The following FAM161A variants were observed in gnomAD, a reference collection of about 807,000 sequenced individuals.
FAM161A encodes the protein protein FAM161A.
Under a neutral mutation model 70.9 loss-of-function variants are expected in FAM161A, and 57 were observed. That is an observed-to-expected ratio of 0.80 (90% CI 0.65 to 1.00). The LOEUF (loss-of-function observed/expected upper bound fraction) is 1.00. FAM161A is among the 50% of genes least tolerant of loss of function. The probability of loss-of-function intolerance (pLI) is 0.00; values close to 1 mark genes in which losing one functional copy is unlikely to be tolerated. For synonymous variants in FAM161A, 299 were observed against 295.7 expected, an observed-to-expected ratio of 1.01 and a Z score of -0.12; for missense variants, 880 against 836.0, an observed-to-expected ratio of 1.05 and a Z score of -0.65.
At chr2:61,841,853 T>C (rs1393313644) in intron 2 of FAM161A, among the ~76,000 whole-genome samples, 4 of 152,252 alleles carry the variant, frequency 2.6e-5, no homozygotes, top group Non-Finnish European at 5.9e-5. Flanking sequence ...CCAGTTAAAA[T>C]GGCACAGACT....
chr2:61,801,051 T>A, the FAM161A span, among the ~76,000 whole-genome samples: 2 of 151,870 alleles, frequency 1.3e-5, no homozygotes, highest in African/African-American at 4.8e-5. Flanking sequence ...TGTCTCAGCC[T>A]CCCAAAGTGC....
At chr2:61,810,453 C>CTTTTTT in the FAM161A span, among the ~76,000 whole-genome samples, 81 of 95,602 alleles carry the variant, frequency 8.5e-4, 1 homozygote, top group African/African-American at 9.5e-4. Context: ...CCAGCACTTC[C>CTTTTTT]TTTTTTTTTT....
At chr2:61,808,690 G>A in the FAM161A span, among the ~76,000 whole-genome samples, 1 of 152,300 alleles carries the variant, frequency 6.6e-6, no homozygotes, top group Non-Finnish European at 1.5e-5. Context: ...TGCCTGACAA[G>A]AATAAGTTTA....
At position 61,854,013 on chromosome 2, in the gene FAM161A, A is replaced by T; in HGVS notation, c.29T>A (p.Leu10Gln). 1 of 1,612,226 alleles carries T rather than the reference A, an allele frequency of 6.2e-7. No homozygotes were observed. The highest frequency in any genetic ancestry group is 1.1e-5 in the South Asian group (1 of 90,858). The change falls in exon 1 of 7, where the codon CTG becomes CAG. Residue 10 changes from leucine (L) to glutamine (Q), a missense_variant. By Grantham distance (113) the Leu-to-Gln change is moderately radical. Coordinates refer to ENST00000404929, the MANE Select transcript of FAM161A (RefSeq NM_001201543.2). The part of the protein sequence containing the change: MATSHRVAK[L>Q]VASSLQTPVN... ...CGGGGTCTGGAGACTGGAGGCCACC[A>T]GCTTCGCCACTCGGTGGGAGGTGGC...
Position 61,828,843 on chromosome 2 carries a change from T to A in FAM161A, c.1852-1585A>T, listed in dbSNP as rs112550224. Among the ~76,000 whole-genome samples the A allele has an allele frequency of 1.0e-2, 1,517 of 152,272 alleles. 8 individuals are homozygous for A. The highest frequency in any genetic ancestry group is 0.017 in the Middle Eastern group (5 of 294). Reference sequence around the variant, plus strand: ...TGTTGGAATTGTGATGACCCTCTCATCACAGCTCCAGAGATGGCAGGCTTT... The same window carrying A: ...TGTTGGAATTGTGATGACCCTCTCAACACAGCTCCAGAGATGGCAGGCTTT... On this transcript the variant is annotated intron_variant, in intron 5 of 6. Coordinates refer to ENST00000404929, the MANE Select transcript of FAM161A (RefSeq NM_001201543.2).
intron 4 of FAM161A, 68 bp downstream of exon 4, chr2:61,838,470 A>T: frequency 7.7e-7 from 1 of 1,300,672 alleles, no homozygotes; most frequent in Non-Finnish European, 1.1e-6. Flanking sequence ...ATATTTTACT[A>T]TCTACTGATT....
intron 1 of FAM161A, among the ~76,000 whole-genome samples, chr2:61,843,201 T>A (rs1673084634): frequency 6.6e-6 from 1 of 152,188 alleles, no homozygotes; most frequent in South Asian, 2.1e-4. Context: ...TGGAGTGCAG[T>A]GGCACCATCT....
intron 4 of FAM161A, chr2:61,836,870 G>C (rs767610026): frequency 2.4e-4 from 55 of 231,084 alleles, no homozygotes; most frequent in Non-Finnish European, 2.6e-4. Context: ...CATTGCGCCT[G>C]GCCTATTAAT....
At chr2:61,842,939 G>C (rs888558323) in intron 1 of FAM161A, among the ~76,000 whole-genome samples, 2 of 152,176 alleles carry the variant, frequency 1.3e-5, no homozygotes, top group African/African-American at 4.8e-5. Context: ...GGAGTAAGAG[G>C]ACATGGGAGG....
chr2:61,840,330 C>CTTT lies in FAM161A; in HGVS notation c.671_673dup (p.Lys224dup). ...CACCCATTCTTTTCGTTTCTTCCTT[C>CTTT]TTTTTTCAGCTGCATGGAAGCCAGT... is the stretch of plus-strand genomic sequence containing the variant. On this transcript the variant is annotated inframe_insertion, in exon 3 of 7. Coordinates refer to ENST00000404929, the MANE Select transcript of FAM161A (RefSeq NM_001201543.2). 6.2e-7 allele frequency: 1 copy of CTTT among 1,614,032 alleles called. No homozygotes were observed.
At chr2:61,841,640 T>C (rs549359031) in intron 2 of FAM161A, among the ~76,000 whole-genome samples, 1 of 152,196 alleles carries the variant, frequency 6.6e-6, no homozygotes, top group East Asian at 1.9e-4. Flanking sequence ...AAAGGAGACA[T>C]GCAAGCATCG....
chr2:61,850,551 G>A (rs1386009021), intron 1 of FAM161A, among the ~76,000 whole-genome samples: 1 of 151,932 alleles, frequency 6.6e-6, no homozygotes, highest in African/African-American at 2.4e-5. Flanking sequence ...CCAGGAGTTC[G>A]AGACCAGCCT....
rs1672938877 is a variant in FAM161A at position 61,839,864 on chromosome 2, T to G, written c.1140A>C (p.Arg380=). 4 of 1,614,240 alleles carry G rather than the reference T, an allele frequency of 2.5e-6. No individual in the cohort carries two copies. The highest frequency in any genetic ancestry group is 3.4e-6 in the Non-Finnish European group (4 of 1,180,038). The change falls in exon 3 of 7, where the codon CGA becomes CGC. Residue 380 remains arginine (R), a synonymous_variant. Transcript: ENST00000404929. ...NDKLKEEELY[R]NLRTQLRAQE... ...GGGCTCTCAGCTGTGTCCTAAGGTT[T>G]CGATAGAGCTCTTCTTCTTTTAACT...
chr2:61,808,386 C>T, the FAM161A span, among the ~76,000 whole-genome samples: 1 of 151,984 alleles, frequency 6.6e-6, no homozygotes, highest in Non-Finnish European at 1.5e-5. Context: ...AATTCCGCTG[C>T]ATCTGCCTCC....
chr2:61,813,471 C>A, the FAM161A span, among the ~76,000 whole-genome samples: 1 of 149,894 alleles, frequency 6.7e-6, no homozygotes, highest in African/African-American at 2.5e-5. Context: ...TTGCTTGAAT[C>A]CAGGAGGCAG....
the FAM161A span, among the ~76,000 whole-genome samples, chr2:61,819,646 G>C: frequency 1.3e-5 from 2 of 152,064 alleles, no homozygotes; most frequent in African/African-American, 4.8e-5. Flanking sequence ...ACTTTGTCAG[G>C]CTTCCTCCTG....
chr2:61,853,891 C>T lies in FAM161A; in HGVS notation c.151G>A (p.Glu51Lys). ...AAEAILEDEE[E>K]EKVAQPAGAS... ...CCAGCGGGCTGAGCCACTTTCTCCT[C>T]CTCTTCGTCCTCCAAGATCGCCTCC... is the stretch of plus-strand genomic sequence containing the variant. Residue 51 changes from glutamate to lysine, a missense_variant, in exon 1 of 7, where the codon GAG becomes AAG. By Grantham distance (56) the Glu-to-Lys change is moderately conservative. Coordinates refer to ENST00000404929, the MANE Select transcript of FAM161A (RefSeq NM_001201543.2). The T allele has an allele frequency of 6.2e-7, 1 of 1,613,952 alleles. No homozygotes were observed. The highest frequency in any genetic ancestry group is 8.5e-7 in the Non-Finnish European group (1 of 1,179,828).
At chr2:61,832,140 G>T (rs1249578625) in intron 5 of FAM161A, among the ~76,000 whole-genome samples, 4 of 151,612 alleles carry the variant, frequency 2.6e-5, no homozygotes, top group Non-Finnish European at 4.4e-5. Context: ...AACTACTTGG[G>T]AGGCTGAGGT....
the FAM161A span, among the ~76,000 whole-genome samples, chr2:61,812,461 C>T: frequency 6.6e-6 from 1 of 152,252 alleles, no homozygotes; most frequent in African/African-American, 2.4e-5. Flanking sequence ...GTGGCTCACG[C>T]CTGTAATCCC....
Sources: gnomAD v4.1 joint callset for allele counts (sites outside exome capture counted in the v4.1 genomes callset) on GRCh38, gnomAD v4.1.1 for gene constraint, MANE v1.5 for transcripts, NCBI Gene and HGNC (gene_info 2026-07-23, HGNC 2026-07-21) for gene names.